SSBP3: variants seen among roughly 807,000 people sequenced by gnomAD.
SSBP3 encodes the protein single stranded DNA binding protein 3, also known as single-stranded DNA-binding protein 3.
Under a neutral mutation model 69.6 loss-of-function variants are expected in SSBP3, and 5 were observed. The ratio of observed to expected loss-of-function variants is 0.07; its 90% CI spans 0.04 to 0.15. SSBP3 has a LOEUF of 0.15. Ranked by LOEUF, SSBP3 falls within the 10% of genes least tolerant of loss-of-function variation. The pLI is 1.00. For missense variants in SSBP3, 312 were observed against 534.0 expected (o/e 0.58, Z 4.10); for synonymous variants, 196 against 193.4 (o/e 1.01, Z -0.11).
intron 4 of SSBP3, among the ~76,000 whole-genome samples, chr1:54,359,208 C>CAA (rs56901465): frequency 0.013 from 999 of 75,198 alleles, 12 homozygotes; most frequent in Middle Eastern, 0.027. Flanking sequence ...ACCCTCCCCT[C>CAA]AAAAAAAAAA....
intron 4 of SSBP3, among the ~76,000 whole-genome samples, chr1:54,324,512 C>G (rs988697299): frequency 4.6e-5 from 7 of 152,110 alleles, no homozygotes; most frequent in African/African-American, 1.4e-4. Flanking sequence ...GACATCCATC[C>G]TGGGGACACT....
chr1:54,227,750 G>A (rs992536106), intron 17 of SSBP3, among the ~76,000 whole-genome samples: 2 of 152,112 alleles, frequency 1.3e-5, no homozygotes, highest in Admixed American at 1.3e-4. Flanking sequence ...GCTAATTTTT[G>A]TATTTTTATG....
intron 9 of SSBP3, among the ~76,000 whole-genome samples, chr1:54,244,461 G>T (rs1190245814): frequency 6.6e-6 from 1 of 151,048 alleles, no homozygotes; most frequent in Non-Finnish European, 1.5e-5. Flanking sequence ...TGCCCAGGCT[G>T]GTCTCGAACT....
chr1:54,337,646 C>T (rs781196411), intron 4 of SSBP3, among the ~76,000 whole-genome samples: 3 of 151,768 alleles, frequency 2.0e-5, no homozygotes, highest in Non-Finnish European at 4.4e-5. Flanking sequence ...CAGGCATCCA[C>T]CACCACACCC....
intron 9 of SSBP3, among the ~76,000 whole-genome samples, chr1:54,250,614 C>T (rs904561672): frequency 4.6e-5 from 7 of 152,198 alleles, no homozygotes; most frequent in South Asian, 2.1e-4. Flanking sequence ...AACACCTGCA[C>T]GCAACCAAGG....
chr1:54,305,209 G>A (rs1421276351), intron 4 of SSBP3, among the ~76,000 whole-genome samples: 2 of 152,080 alleles, frequency 1.3e-5, no homozygotes, highest in Admixed American at 6.6e-5. Flanking sequence ...TACTGCCCAG[G>A]GCCTATGACG....
intron 4 of SSBP3, among the ~76,000 whole-genome samples, chr1:54,368,950 T>C (rs1175175861): frequency 2.0e-5 from 3 of 152,244 alleles, no homozygotes; most frequent in Non-Finnish European, 4.4e-5. Flanking sequence ...GGTAAAACCC[T>C]TGGGGGCATG....
intron 4 of SSBP3, among the ~76,000 whole-genome samples, chr1:54,396,262 T>C (rs1363426163): frequency 6.7e-6 from 1 of 149,642 alleles, no homozygotes; most frequent in Non-Finnish European, 1.5e-5. Context: ...CAGTCATGAT[T>C]GTCTATTTGC....
At chr1:54,238,281 C>T (rs1445329593) in intron 14 of SSBP3, 5 of 470,986 alleles carry the variant, frequency 1.1e-5, no homozygotes, top group Admixed American at 4.7e-5. Context: ...AAAGGCCCTA[C>T]CCCCTCAACC....
chr1:54,354,743 A>C (rs1009194670), intron 4 of SSBP3, among the ~76,000 whole-genome samples: 1 of 152,120 alleles, frequency 6.6e-6, no homozygotes, highest in Admixed American at 6.5e-5. Flanking sequence ...AATTCAAAAA[A>C]CAAGAAACCC....
At chr1:54,375,609 A>T (rs1408176335) in intron 4 of SSBP3, among the ~76,000 whole-genome samples, 1 of 152,164 alleles carries the variant, frequency 6.6e-6, no homozygotes, top group Non-Finnish European at 1.5e-5. Flanking sequence ...GATCCAGAAA[A>T]ACCATTCATG....
intron 7 of SSBP3, among the ~76,000 whole-genome samples, chr1:54,254,700 G>C (rs371592646): frequency 1.3e-5 from 2 of 152,218 alleles, no homozygotes; most frequent in Admixed American, 6.5e-5. Flanking sequence ...TTAACTGGCA[G>C]ACCCAACGAG....
chr1:54,261,316 C>T (rs934115963), intron 5 of SSBP3, among the ~76,000 whole-genome samples: 13 of 152,240 alleles, frequency 8.5e-5, no homozygotes, highest in Non-Finnish European at 1.5e-5. Context: ...TCTCGTCTTC[C>T]TTCCCAGCCT....
At chr1:54,281,673 C>T (rs1283441875) in intron 4 of SSBP3, 146 bp from the exon 5 acceptor site, 3 of 753,172 alleles carry the variant, frequency 4.0e-6, no homozygotes, top group East Asian at 2.7e-5. Context: ...GCCCTCCTAG[C>T]GTCCCAGGGA....
chr1:54,381,937 C>T (rs900303520), intron 4 of SSBP3, among the ~76,000 whole-genome samples: 5 of 152,174 alleles, frequency 3.3e-5, no homozygotes, highest in African/African-American at 1.2e-4. Context: ...CTCATGCCTG[C>T]AATCCAAGCA....
chr1:54,296,934 T>C (rs965076620), intron 4 of SSBP3, among the ~76,000 whole-genome samples: 3 of 152,152 alleles, frequency 2.0e-5, no homozygotes, highest in Non-Finnish European at 4.4e-5. Context: ...AGACTCTATG[T>C]AGGCACCAAA....
At chr1:54,237,546 C>G (rs1415395920) in intron 14 of SSBP3, 4 of 152,530 alleles carry the variant, frequency 2.6e-5, no homozygotes, top group African/African-American at 9.7e-5. Context: ...CTTTTCTGCA[C>G]ACCGCGCAGT....
intron 4 of SSBP3, among the ~76,000 whole-genome samples, chr1:54,376,035 G>A (rs1160045350): frequency 6.6e-6 from 1 of 152,114 alleles, no homozygotes; most frequent in Non-Finnish European, 1.5e-5. Flanking sequence ...GAGCCTTTGT[G>A]CTGGCTTCCC....
At position 54,248,353 on chromosome 1, in the gene SSBP3, G is replaced by A. The variant is rs901416532; in HGVS notation, c.651+3263C>T. Among the ~76,000 whole-genome samples the A allele has an allele frequency of 3.3e-5, 5 of 152,312 alleles. No homozygotes were observed. In the East Asian group the frequency reaches 5.8e-4, roughly 18 times the overall value. ...TGCGGGAAGGGGAAGGGATCCACAG[G>A]ACACCATGTGGGGACTTCAAGTAAC... On this transcript the variant is annotated intron_variant, in intron 9 of 17. Transcript: ENST00000610401.
Sources: gnomAD v4.1 joint callset for allele counts (sites outside exome capture counted in the v4.1 genomes callset) on GRCh38, gnomAD v4.1.1 for gene constraint, MANE v1.5 for transcripts, NCBI Gene and HGNC (gene_info 2026-07-23, HGNC 2026-07-21) for gene names.